The following LMX1A variants were observed in gnomAD, a reference collection of about 807,000 sequenced individuals.
LMX1A encodes LIM homeobox transcription factor 1 alpha, also known as LIM homeobox transcription factor 1-alpha.
Under a neutral mutation model 49.1 loss-of-function variants are expected in LMX1A, and 15 were observed. That is an observed-to-expected ratio of 0.31 (90% confidence interval 0.20 to 0.47). The LOEUF (loss-of-function observed/expected upper bound fraction) is 0.47, where lower values mean the gene tolerates loss of function less well. LMX1A is among the 20% of genes least tolerant of loss of function. The pLI is 1.00. For synonymous variants in LMX1A, 167 were observed against 185.7 expected (o/e 0.90, Z 0.82); for missense variants, 372 against 475.8 (o/e 0.78, Z 2.03).
chr1:165,253,800 A>G (rs7512132), intron 3 of LMX1A, among the ~76,000 whole-genome samples: 152,147 of 152,276 alleles, frequency 1, 76,009 homozygotes, highest in Middle Eastern at 1. Flanking sequence ...AACAGGTATG[A>G]TAGAGCCTGG....
intron 4 of LMX1A, among the ~76,000 whole-genome samples, chr1:165,238,534 A>G (rs1302112208): frequency 2.0e-5 from 3 of 147,380 alleles, no homozygotes; most frequent in Non-Finnish European, 4.5e-5. Context: ...AAGTATAGTG[A>G]TAGTGATTAA....
chr1:165,240,626 G>A (rs1652614611), intron 4 of LMX1A, among the ~76,000 whole-genome samples: 1 of 152,194 alleles, frequency 6.6e-6, no homozygotes, highest in East Asian at 1.9e-4. Flanking sequence ...TGGCCGCCTG[G>A]AAGGACATAA....
At chr1:165,350,538 AT>A (rs11326500) in intron 3 of LMX1A, among the ~76,000 whole-genome samples, 50,479 of 149,796 alleles carry the variant, frequency 0.34, 8,506 homozygotes, top group South Asian at 0.41. Flanking sequence ...TCCTGAGCCT[AT>A]TTTTTTTTTT....
chr1:165,214,266 C>G (rs543059147), intron 4 of LMX1A, among the ~76,000 whole-genome samples: 2 of 152,314 alleles, frequency 1.3e-5, no homozygotes, highest in South Asian at 4.2e-4. Flanking sequence ...CACACTCTTT[C>G]TCTCCTGCTT....
At chr1:165,339,233 C>G (rs1213804674) in intron 3 of LMX1A, among the ~76,000 whole-genome samples, 1 of 152,198 alleles carries the variant, frequency 6.6e-6, no homozygotes, top group Non-Finnish European at 1.5e-5. Flanking sequence ...ACAGCAGTAG[C>G]TGGGTACAGA....
At chr1:165,288,806 C>G (rs1557874418) in intron 3 of LMX1A, among the ~76,000 whole-genome samples, 1 of 152,214 alleles carries the variant, frequency 6.6e-6, no homozygotes, top group Admixed American at 6.5e-5. Flanking sequence ...ATTCATGGTG[C>G]CTTATTGCTG....
chr1:165,247,054 C>CTTTTTTTTTCTTTTTTTTTTTTTTTT lies in LMX1A; in HGVS notation c.496+2353_496+2354insAAAAAAAAAAAAAAAAGAAAAAAAAA, dbSNP rs1652876638. Among the ~76,000 whole-genome samples the CTTTTTTTTTCTTTTTTTTTTTTTTTT allele has an allele frequency of 2.6e-4, 14 of 53,232 alleles. 1 individual carries two copies. The highest frequency in any genetic ancestry group is 1.0e-3 in the African/African-American group (14 of 13,920). The allele number at this position is 53,232 out of a possible 152,430, so 34.9% of individuals were successfully genotyped here. On this transcript the variant is annotated intron_variant, in intron 4 of 8. Transcript: ENST00000342310. ...GTTACTTAGATCAGATCAGCTTTTTCTTTTTTTTTTTTTTTTTTTTTTTTT... is the reference window on the plus strand; with the variant it reads ...GTTACTTAGATCAGATCAGCTTTTTCTTTTTTTTTCTTTTTTTTTTTTTTTTTTTTTTTTTTTTTTTTTTTTTTTTT...
At chr1:165,323,797 C>G (rs1374450103) in intron 3 of LMX1A, among the ~76,000 whole-genome samples, 1 of 150,042 alleles carries the variant, frequency 6.7e-6, no homozygotes, top group East Asian at 1.9e-4. Context: ...CTTCACTGTT[C>G]TCAATACTTT....
chr1:165,210,631 A>G, intron 6 of LMX1A, 68 bp downstream of exon 6: 1 of 1,172,050 alleles, frequency 8.5e-7, no homozygotes, highest in Non-Finnish European at 1.3e-6. Flanking sequence ...CAGCAAGTAC[A>G]ATGTCCTACT....
chr1:165,293,962 G>A (rs1254240824), intron 3 of LMX1A, among the ~76,000 whole-genome samples: 1 of 152,184 alleles, frequency 6.6e-6, no homozygotes, highest in East Asian at 1.9e-4. Flanking sequence ...GGATACTAAG[G>A]AAAGTACCAT....
At chr1:165,225,776 C>G (rs72702408) in intron 4 of LMX1A, among the ~76,000 whole-genome samples, 18,595 of 152,212 alleles carry the variant, frequency 0.12, 1,253 homozygotes, top group Middle Eastern at 0.18. Flanking sequence ...GCTGCTGCTG[C>G]TGGTCCAGGA....
intron 3 of LMX1A, among the ~76,000 whole-genome samples, chr1:165,347,092 T>C (rs556663611): frequency 1.3e-5 from 2 of 152,304 alleles, no homozygotes; most frequent in Admixed American, 6.5e-5. Context: ...CCTCATATCA[T>C]GCTAGTCAAA....
At chr1:165,324,106 T>C (rs1655499933) in intron 3 of LMX1A, among the ~76,000 whole-genome samples, 1 of 152,242 alleles carries the variant, frequency 6.6e-6, no homozygotes, top group Non-Finnish European at 1.5e-5. Flanking sequence ...GCCTGGCACA[T>C]CGCAGGCATT....
chr1:165,344,499 G>A (rs979028150), intron 3 of LMX1A, among the ~76,000 whole-genome samples: 1 of 152,200 alleles, frequency 6.6e-6, no homozygotes, highest in Admixed American at 6.5e-5. Context: ...AGAGAAGGAA[G>A]CCTGCAATGA....
rs1650943315 is a variant in LMX1A at position 165,203,685 on chromosome 1, T to G, written c.*195A>C. On this transcript the variant is annotated 3_prime_UTR_variant, in exon 9 of 9. Transcript: ENST00000342310. ...AATGCTAAGACTCTTATTAGAAACA[T>G]TAAACTATGCAATCCATAATGTATT... The G allele has an allele frequency of 2.1e-6, 1 of 480,216 alleles. No homozygotes were observed. Among genetic ancestry groups the G allele is most frequent in the Admixed American group, 3.3e-5 (1 of 30,166 alleles). 29.7% of individuals were successfully genotyped at this position (480,216 alleles called of 1,614,324 possible).
Position 165,205,745 on chromosome 1 carries a change from G to T in LMX1A, c.988+119C>A. Reference sequence around the variant, plus strand: ...GGCGATTCTGGCAGTATTTTGTAGGGCACATTATTCTGCTTTGGAACTTCG... The same window carrying T: ...GGCGATTCTGGCAGTATTTTGTAGGTCACATTATTCTGCTTTGGAACTTCG... On this transcript the variant is annotated intron_variant, in intron 8 of 8. Coordinates refer to ENST00000342310, the MANE Select transcript of LMX1A (RefSeq NM_177398.4). 11 of 895,124 alleles carry T rather than the reference G, an allele frequency of 1.2e-5. No individual in the cohort carries two copies. In the South Asian group the frequency reaches 1.7e-4, roughly 13 times the overall value. 55.4% of individuals were successfully genotyped at this position (895,124 alleles called of 1,614,324 possible).
At chr1:165,227,824 G>A (rs955917273) in intron 4 of LMX1A, among the ~76,000 whole-genome samples, 5 of 151,828 alleles carry the variant, frequency 3.3e-5, no homozygotes, top group African/African-American at 1.2e-4. Flanking sequence ...AAAAAGTCTT[G>A]GTTTTTGTTT....
intron 3 of LMX1A, among the ~76,000 whole-genome samples, chr1:165,292,977 C>T (rs1038875480): frequency 1.3e-5 from 2 of 151,924 alleles, no homozygotes; most frequent in Admixed American, 1.3e-4. Context: ...ATTAGCCAGG[C>T]GTGATGGTGC....
At chr1:165,249,720 A>G in intron 3 of LMX1A, 80 bp from the exon 4 acceptor site, 2 of 980,892 alleles carry the variant, frequency 2.0e-6, no homozygotes, top group Non-Finnish European at 3.2e-6. Context: ...AGTCAACAGC[A>G]AAAGGAACTT....
Sources: gnomAD v4.1 joint callset for allele counts (sites outside exome capture counted in the v4.1 genomes callset) on GRCh38, gnomAD v4.1.1 for gene constraint, MANE v1.5 for transcripts, NCBI Gene and HGNC (gene_info 2026-07-23, HGNC 2026-07-21) for gene names.